The following RANBP17 variants were observed in gnomAD, a reference collection of about 807,000 sequenced individuals.
RANBP17 encodes RAN binding protein 17.
Under a neutral mutation model 141.2 loss-of-function variants are expected in RANBP17, and 158 were observed. The ratio of observed to expected loss-of-function variants is 1.12; its 90% confidence interval spans 0.98 to 1.28. The LOEUF (loss-of-function observed/expected upper bound fraction) is 1.28, where lower values mean the gene tolerates loss of function less well. RANBP17 is among the 50% of genes most tolerant of loss of function. The pLI is 0.00. For synonymous variants in RANBP17, 430 were observed against 450.0 expected (o/e 0.96, Z 0.56); for missense variants, 1,438 against 1,290.7 (o/e 1.11, Z -1.75).
At chr5:171,165,982 G>A (rs548903948) in intron 14 of RANBP17, among the ~76,000 whole-genome samples, 7 of 152,146 alleles carry the variant, frequency 4.6e-5, no homozygotes, top group East Asian at 3.9e-4. Context: ...CCTTTTATGC[G>A]TTTTCCTTTG....
chr5:171,189,116 T>C (rs77625126), intron 18 of RANBP17, among the ~76,000 whole-genome samples: 1 of 152,124 alleles, frequency 6.6e-6, no homozygotes, highest in Non-Finnish European at 1.5e-5. Context: ...TTTAGACACC[T>C]TGAGAGAAAC....
At position 170,909,669 on chromosome 5, in the gene RANBP17, T is replaced by C. The variant is rs748916042; in HGVS notation, c.498T>C (p.Tyr166=). Residue 166 remains tyrosine, a synonymous_variant, in exon 6 of 28, where the codon TAT becomes TAC. Transcript: ENST00000523189. ...ELTQEMNLVD[Y]SRPSAKHRKI... ...CATCTTTATCTTTTTAGGTTGATTA[T>C]TCTAGACCTTCAGCAAAACACAGGA... is the stretch of plus-strand genomic sequence containing the variant. 3.1e-5 allele frequency: 48 copies of C among 1,555,870 alleles called. No individual in the cohort carries two copies. Among genetic ancestry groups the C allele is most frequent in the Non-Finnish European group, 1.3e-5 (15 of 1,131,854 alleles).
At chr5:171,229,847 C>T (rs1407145879) in intron 22 of RANBP17, among the ~76,000 whole-genome samples, 3 of 150,842 alleles carry the variant, frequency 2.0e-5, no homozygotes, top group African/African-American at 7.3e-5. Context: ...GAGTGGGTCA[C>T]CTGAGGTTGG....
At chr5:170,907,429 ACTT>A (rs1771154758) in intron 5 of RANBP17, among the ~76,000 whole-genome samples, 1 of 151,950 alleles carries the variant, frequency 6.6e-6, no homozygotes, top group Non-Finnish European at 1.5e-5. Flanking sequence ...CCTTTTACAA[ACTT>A]CTTAGCTTCT....
At chr5:171,158,119 G>A (rs1759033236) in intron 14 of RANBP17, among the ~76,000 whole-genome samples, 1 of 152,202 alleles carries the variant, frequency 6.6e-6, no homozygotes, top group South Asian at 2.1e-4. Flanking sequence ...GCTAGTATTA[G>A]CAATGGTGAA....
At chr5:171,104,096 G>A (rs1787376126) in intron 14 of RANBP17, among the ~76,000 whole-genome samples, 2 of 152,204 alleles carry the variant, frequency 1.3e-5, no homozygotes, top group Admixed American at 1.3e-4. Flanking sequence ...GAAGTGCAAT[G>A]GCACAATCTC....
intron 16 of RANBP17, among the ~76,000 whole-genome samples, chr5:171,180,438 A>G (rs1760797304): frequency 6.6e-6 from 1 of 152,182 alleles, no homozygotes; most frequent in Non-Finnish European, 1.5e-5. Flanking sequence ...TACTGTTACC[A>G]CCATTACCAG....
chr5:171,290,228 G>A (rs1175934765), intron 25 of RANBP17, among the ~76,000 whole-genome samples: 1 of 151,958 alleles, frequency 6.6e-6, no homozygotes, highest in African/African-American at 2.4e-5. Context: ...AATTAGCCGG[G>A]CGTGGTGGCA....
chr5:171,088,668 A>T (rs1311457497), intron 14 of RANBP17, among the ~76,000 whole-genome samples: 4 of 151,862 alleles, frequency 2.6e-5, no homozygotes, highest in East Asian at 1.9e-4. Context: ...CTTTCTTTTT[A>T]TTCTTTTTTC....
chr5:171,171,863 A>T (rs556448055), intron 16 of RANBP17, among the ~76,000 whole-genome samples: 1 of 151,964 alleles, frequency 6.6e-6, no homozygotes, highest in African/African-American at 2.4e-5. Context: ...AAGATTCCCC[A>T]TTATACATTA....
intron 25 of RANBP17, among the ~76,000 whole-genome samples, chr5:171,279,419 A>G (rs1234983005): frequency 6.6e-6 from 1 of 152,150 alleles, no homozygotes; most frequent in Non-Finnish European, 1.5e-5. Context: ...TTGCTGTGTC[A>G]TCTAATGGAG....
At chr5:171,275,591 C>T (rs1308279331) in intron 25 of RANBP17, among the ~76,000 whole-genome samples, 1 of 151,946 alleles carries the variant, frequency 6.6e-6, no homozygotes, top group East Asian at 1.9e-4. Context: ...TAGTTTTGTG[C>T]CAGTGTATGA....
At chr5:170,862,888 G>A (rs1051586898) in intron 1 of RANBP17, among the ~76,000 whole-genome samples, 5 of 152,212 alleles carry the variant, frequency 3.3e-5, no homozygotes, top group African/African-American at 1.2e-4. Context: ...AGTGAAAAAT[G>A]TATGGTAGAA....
chr5:171,247,181 C>T (rs1385323092), intron 24 of RANBP17, among the ~76,000 whole-genome samples: 1 of 152,176 alleles, frequency 6.6e-6, no homozygotes, highest in African/African-American at 2.4e-5. Flanking sequence ...TTCCTCACCA[C>T]ACTACCCTGC....
At chr5:171,258,835 A>C (rs1766096149) in intron 24 of RANBP17, among the ~76,000 whole-genome samples, 1 of 152,206 alleles carries the variant, frequency 6.6e-6, no homozygotes, top group South Asian at 2.1e-4. Context: ...AATTATGACA[A>C]AGACCTCCAA....
chr5:170,923,380 CCT>C (rs1772639660), intron 11 of RANBP17, among the ~76,000 whole-genome samples: 1 of 152,112 alleles, frequency 6.6e-6, no homozygotes, highest in African/African-American at 2.4e-5. Flanking sequence ...TCACCAGTAC[CCT>C]GTCTTGATTA....
At chr5:171,271,075 C>CCTTTT (rs1767076411) in intron 25 of RANBP17, 49 of 27,568 alleles carry the variant, frequency 1.8e-3, no homozygotes, top group Admixed American at 3.4e-3. Context: ...TATGTTATTT[C>CCTTTT]TTTTTTTTTT....
Position 171,170,203 on chromosome 5 carries a change from T to A in RANBP17, c.1784T>A (p.Ile595Asn). The A allele has an allele frequency of 6.5e-7, 1 of 1,538,968 alleles. No homozygotes were observed. Among genetic ancestry groups the A allele is most frequent in the Non-Finnish European group, 8.8e-7 (1 of 1,132,954 alleles). ...GTTCTAGAGACGTTCATGACAAAAA[T>A]GTGAGTTCTTGTTTTGGTCTTTAAT... ...NHVLETFMTK[I>N]VTNLKYWGRY... The change falls in exon 15 of 28, where the codon ATT (isoleucine) becomes AAT (asparagine). Residue 595 changes from isoleucine (I) to asparagine (N), a missense_variant and splice_region_variant. Ile to Asn is a moderately radical substitution (Grantham distance 149). Coordinates refer to ENST00000523189, the MANE Select transcript of RANBP17 (RefSeq NM_022897.5).
In RANBP17 at chr5:171,229,348, G is replaced by A. The variant is rs1451975497; in HGVS notation, c.2422+7508G>A. On this transcript the variant is annotated intron_variant, in intron 22 of 27. Transcript: ENST00000523189. ...CTGAACACATGCTTAGATTTCAGTG[G>A]ATTCCTTCATCCATGCACCTAACAT... Among the ~76,000 whole-genome samples, 3 of 152,158 alleles carry A rather than the reference G, an allele frequency of 2.0e-5. 1 individual carries two copies. In the South Asian group the frequency reaches 6.2e-4, roughly 32 times the overall value.
Sources: allele counts gnomAD v4.1 joint callset (sites outside exome capture counted in the v4.1 genomes callset), GRCh38; gene constraint gnomAD v4.1.1; transcripts MANE v1.5; gene names NCBI Gene and HGNC (gene_info 2026-07-23, HGNC 2026-07-21).